Variants in MLPH observed in about 807,000 individuals in gnomAD.
The protein encoded by MLPH is melanophilin.
MLPH carries 51 observed loss-of-function variants against 72.1 expected under a neutral mutation model. That is an observed-to-expected ratio of 0.71 (90% CI 0.56 to 0.89). The LOEUF is 0.89. Ranked by LOEUF, MLPH falls within the 40% of genes least tolerant of loss-of-function variation. The probability of loss-of-function intolerance (pLI) is 0.00; values close to 1 mark genes in which losing one functional copy is unlikely to be tolerated. For synonymous variants in MLPH, 301 were observed against 310.1 expected, an observed-to-expected ratio of 0.97 and a Z score of 0.31; for missense variants, 743 against 759.9, an observed-to-expected ratio of 0.98 and a Z score of 0.26.
intron 7 of MLPH, among the ~76,000 whole-genome samples, chr2:237,527,064 A>T (rs2292882): frequency 0.11 from 17,112 of 152,202 alleles, 2,845 homozygotes; most frequent in African/African-American, 0.37. Flanking sequence ...TTATGATCTT[A>T]TCATGGAATC....
At chr2:237,538,460 C>A (rs552757802) in intron 9 of MLPH, among the ~76,000 whole-genome samples, 2 of 152,290 alleles carry the variant, frequency 1.3e-5, no homozygotes, top group South Asian at 4.1e-4. Context: ...GGAGGAAAGC[C>A]TTCTGGTTAT....
chr2:237,552,341 A>G lies in MLPH; in HGVS notation c.1680A>G (p.Lys560=), dbSNP rs1384467452. The change falls in exon 15 of 16, where the codon AAA becomes AAG. Residue 560 remains lysine, a synonymous_variant. Coordinates refer to ENST00000264605, the MANE Select transcript of MLPH (RefSeq NM_024101.7). The part of the protein sequence containing the change: ...KFSNSLKSQG[K]DDDSFDRKSV... ...CTCTTCCTGTTTTCCCCAAAGGTAAAGATGATGATTCTTTTGATCGGAAAT... is the reference window on the plus strand; with the variant it reads ...CTCTTCCTGTTTTCCCCAAAGGTAAGGATGATGATTCTTTTGATCGGAAAT... The G allele has an allele frequency of 1.2e-6, 2 of 1,613,952 alleles. No homozygotes were observed. Among genetic ancestry groups the G allele is most frequent in the Non-Finnish European group, 1.7e-6 (2 of 1,179,918 alleles).
Position 237,501,663 on chromosome 2 carries a change from CT to C in MLPH, c.110+8128del, listed in dbSNP as rs1410728023. ...CTAACATAGTGAAACCACGTCTCTA[CT>C]AAAAAAAAAAAAAAAAAAAAAAAAA... On this transcript the variant is annotated intron_variant, in intron 2 of 15. Coordinates refer to ENST00000264605, the MANE Select transcript of MLPH (RefSeq NM_024101.7). Among the ~76,000 whole-genome samples the C allele has an allele frequency of 5.3e-4, 54 of 101,660 alleles. 1 individual carries two copies. The highest frequency in any genetic ancestry group is 1.6e-3 in the African/African-American group (45 of 28,874). The allele number at this position is 101,660 out of a possible 152,430, so 66.7% of individuals were successfully genotyped here. A position where few individuals can be genotyped will look rare whatever the true frequency, so the allele number is the denominator to read the frequency against.
chr2:237,494,432 G>A lies in MLPH; in HGVS notation c.110+896G>A, dbSNP rs149241121. Among the ~76,000 whole-genome samples the A allele has an allele frequency of 8.2e-4, 125 of 152,260 alleles. 1 individual carries two copies. The highest frequency in any genetic ancestry group is 2.7e-3 in the African/African-American group (111 of 41,546). On this transcript the variant is annotated intron_variant, in intron 2 of 15. Coordinates refer to ENST00000264605, the MANE Select transcript of MLPH (RefSeq NM_024101.7). ...GGGCATGGGATCTGGTGCCAGTCAC[G>A]GGGGTCCTGTAGAGCTTCACAGGGC...
chr2:237,545,237 C>CAGTGGTGAGTGGGAGG (rs2080888456), intron 12 of MLPH, among the ~76,000 whole-genome samples: 1 of 117,430 alleles, frequency 8.5e-6, no homozygotes, highest in African/African-American at 4.2e-5. Flanking sequence ...GTGAGTGGGG[C>CAGTGGTGAGTGGGAGG]ACAGTGGTGA....
intron 2 of MLPH, among the ~76,000 whole-genome samples, chr2:237,497,598 A>G (rs1423559790): frequency 6.6e-6 from 1 of 152,252 alleles, no homozygotes; most frequent in Non-Finnish European, 1.5e-5. Flanking sequence ...GCCACAGAGG[A>G]AACAAGCATA....
At chr2:237,490,109 A>G (rs73098868) in intron 1 of MLPH, among the ~76,000 whole-genome samples, 4,123 of 152,260 alleles carry the variant, frequency 0.027, 75 homozygotes, top group African/African-American at 0.051. Flanking sequence ...GAAATGGAAC[A>G]AGGAGCAGAT....
intron 6 of MLPH, among the ~76,000 whole-genome samples, chr2:237,524,409 A>T (rs1463675087): frequency 1.3e-5 from 2 of 151,548 alleles, no homozygotes; most frequent in East Asian, 3.9e-4. Context: ...AGCCAGTCGG[A>T]GTCCCAAACT....
At position 237,512,862 on chromosome 2, in the gene MLPH, G is replaced by T. The variant is rs982168563; in HGVS notation, c.445+1761G>T. The stretch of plus-strand genomic sequence containing the variant: ...CAGTGTTTCCACAGCTCAGCCCAGA[G>T]CTGCTGGAGTTCACACGGCCCACCA... On this transcript the variant is annotated intron_variant, in intron 4 of 15. Transcript: ENST00000264605. The surrounding 1 kb of genome is among the most constrained non-coding windows in gnomAD (Gnocchi z 5.5). Among the ~76,000 whole-genome samples, 3 of 152,176 alleles carry T rather than the reference G, an allele frequency of 2.0e-5. No homozygotes were observed. The highest frequency in any genetic ancestry group is 1.5e-5 in the Non-Finnish European group (1 of 68,016).
chr2:237,493,421 G>C lies in MLPH; in HGVS notation c.-6G>C. The C allele has an allele frequency of 6.2e-7, 1 of 1,612,380 alleles. No homozygotes were observed. The highest frequency in any genetic ancestry group is 8.5e-7 in the Non-Finnish European group (1 of 1,178,510). ...ATTCCAGGTGTGACCCCGACAAGAA[G>C]CAGAAATGGGGAAGAAACTGGATCT... On this transcript the variant is annotated 5_prime_UTR_variant, in exon 2 of 16. Coordinates refer to ENST00000264605, the MANE Select transcript of MLPH (RefSeq NM_024101.7).
upstream of MLPH, among the ~76,000 whole-genome samples, chr2:237,486,964 G>T (rs950732545): frequency 6.6e-6 from 1 of 152,104 alleles, no homozygotes; most frequent in Non-Finnish European, 1.5e-5. Context: ...CGTGCCCAAG[G>T]CAGGACCGCG....
rs937912696 is a variant in MLPH, at chr2:237,541,856, C to T, written c.1447-711C>T. On this transcript the variant is annotated intron_variant, in intron 11 of 15. Transcript: ENST00000264605. The surrounding 1 kb of genome is among the most constrained non-coding windows in gnomAD (Gnocchi z 5.1). ...AGTGAAGGTGAGCCCCTAGAGTGCT[C>T]GGGGCAGGGCGATTGAGATAAGGCA... 1.3e-4 allele frequency among the ~76,000 whole-genome samples: 20 copies of T among 152,150 alleles called. No homozygotes were observed. Among genetic ancestry groups the T allele is most frequent in the Admixed American group, 9.8e-4 (15 of 15,286 alleles).
At chr2:237,515,718 T>A (rs2080002021) in intron 4 of MLPH, among the ~76,000 whole-genome samples, 1 of 152,016 alleles carries the variant, frequency 6.6e-6, no homozygotes, top group South Asian at 2.1e-4. Flanking sequence ...AACAGGCAGC[T>A]CCAAGGAGGC....
chr2:237,513,264 T>C (rs2079945641), intron 4 of MLPH, among the ~76,000 whole-genome samples: 2 of 152,196 alleles, frequency 1.3e-5, no homozygotes, highest in South Asian at 4.1e-4. Context: ...AGGCCTTCCA[T>C]AGAGGACGCG....
intron 6 of MLPH, among the ~76,000 whole-genome samples, chr2:237,523,627 G>A (rs191885753): frequency 5.8e-4 from 88 of 152,268 alleles, no homozygotes; most frequent in African/African-American, 1.9e-3. Context: ...GAAGATGGGC[G>A]CAAGATGTAT....
intron 5 of MLPH, 32 bp downstream of exon 5, chr2:237,518,680 C>A: frequency 6.5e-7 from 1 of 1,539,374 alleles, no homozygotes; most frequent in Non-Finnish European, 8.9e-7. Flanking sequence ...CCTCCTCAGC[C>A]ACCTCGATTC....
intron 2 of MLPH, among the ~76,000 whole-genome samples, chr2:237,496,562 T>G (rs754754564): frequency 8.5e-5 from 13 of 152,218 alleles, no homozygotes; most frequent in Non-Finnish European, 1.9e-4. Flanking sequence ...AAAGGACTTT[T>G]GTAAGAATAT....
At chr2:237,538,106 C>T (rs942671587) in intron 9 of MLPH, among the ~76,000 whole-genome samples, 4 of 152,214 alleles carry the variant, frequency 2.6e-5, no homozygotes, top group East Asian at 1.9e-4. Flanking sequence ...CTCCCAGCAC[C>T]GGCTCCTGAC....
intron 9 of MLPH, among the ~76,000 whole-genome samples, chr2:237,535,745 T>C (rs1327918426): frequency 1.3e-5 from 2 of 152,218 alleles, no homozygotes; most frequent in Admixed American, 6.5e-5. Context: ...ATTTAAAGTT[T>C]CACTTATATA....
Sources: gnomAD v4.1 joint callset for allele counts (sites outside exome capture counted in the v4.1 genomes callset) on GRCh38, gnomAD v4.1.1 for gene constraint, Gnocchi (gnomAD v3.1) non-coding constraint, MANE v1.5 for transcripts, NCBI Gene and HGNC (gene_info 2026-07-23, HGNC 2026-07-21) for gene names.